The following PDGFC variants were observed in gnomAD, a reference collection of about 807,000 sequenced individuals.
PDGFC encodes the protein platelet derived growth factor C.
In PDGFC, 12 loss-of-function variants were observed where a neutral mutation model predicts 35.5. The observed-to-expected ratio is 0.34, with a 90% CI of 0.22 to 0.55. The LOEUF (loss-of-function observed/expected upper bound fraction) is 0.55. Ranked by LOEUF, PDGFC falls within the 20% of genes least tolerant of loss-of-function variation. PDGFC has a pLI of 0.91. For synonymous variants in PDGFC, 159 were observed against 148.8 expected (o/e 1.07, Z -0.50); for missense variants, 322 against 412.4 (o/e 0.78, Z 1.90).
chr4:156,936,597 C>T (rs926157463), intron 1 of PDGFC, among the ~76,000 whole-genome samples: 2 of 152,064 alleles, frequency 1.3e-5, no homozygotes, highest in African/African-American at 4.8e-5. Context: ...AGAGAAGAAT[C>T]AGGAAAAGGC....
At chr4:156,949,936 A>G (rs983242755) in intron 1 of PDGFC, among the ~76,000 whole-genome samples, 2 of 151,944 alleles carry the variant, frequency 1.3e-5, no homozygotes, top group African/African-American at 4.8e-5. Flanking sequence ...TAAGCATAAC[A>G]GGAAATAAAA....
intron 3 of PDGFC, among the ~76,000 whole-genome samples, chr4:156,778,647 A>T (rs1448877271): frequency 6.6e-6 from 1 of 152,168 alleles, no homozygotes; most frequent in Admixed American, 6.5e-5. Context: ...ACTACTTATA[A>T]TTTCACAATC....
rs3042796 is a variant in PDGFC at position 156,815,323 on chromosome 4, TACACACACACACACAC to T, written c.315-4322_315-4307del. The stretch of plus-strand genomic sequence containing the variant: ...TAAAGTTATTAATGAAATAATTTTT[TACACACACACACACAC>T]ACACACACACACACACACACACACA... On this transcript the variant is annotated intron_variant, in intron 2 of 5. Coordinates refer to ENST00000502773, the MANE Select transcript of PDGFC (RefSeq NM_016205.3). Among the ~76,000 whole-genome samples, 448 of 145,098 alleles carry T rather than the reference TACACACACACACACAC, an allele frequency of 3.1e-3. 3 individuals carry two copies. The highest frequency in any genetic ancestry group is 9.9e-3 in the African/African-American group (391 of 39,588).
rs1397671309 is a variant in PDGFC at position 156,971,230 on chromosome 4, G to A, written c.-327C>T. 1.4e-5 allele frequency: 6 copies of A among 427,984 alleles called. No homozygotes were observed. The highest frequency in any genetic ancestry group is 1.2e-4 in the Admixed American group (3 of 25,424). The allele number at this position is 427,984 out of a possible 1,614,324, so 26.5% of individuals were successfully genotyped here. A position where few individuals can be genotyped will look rare whatever the true frequency, so the allele number is the denominator to read the frequency against. On this transcript the variant is annotated 5_prime_UTR_variant, in exon 1 of 6. Transcript: ENST00000502773. The stretch of plus-strand genomic sequence containing the variant: ...AGGAATGAGGGGGTGGGGACGCGGG[G>A]GAGCGGCGAGAAGTCCCCAGCAAGT...
chr4:156,772,968 T>C (rs981346766), intron 3 of PDGFC, 75 bp from the exon 4 acceptor site: 1 of 960,992 alleles, frequency 1.0e-6, no homozygotes, highest in South Asian at 1.4e-5. Context: ...TGCAAGAAAT[T>C]ATAAAGACTG....
chr4:156,796,030 G>A (rs1195982410), intron 3 of PDGFC, among the ~76,000 whole-genome samples: 1 of 152,162 alleles, frequency 6.6e-6, no homozygotes, highest in Non-Finnish European at 1.5e-5. Context: ...CAAGAGGAGT[G>A]ATTTGTGGTA....
intron 1 of PDGFC, among the ~76,000 whole-genome samples, chr4:156,946,438 TGCTATAGTGAGG>T (rs1211194389): frequency 6.6e-6 from 1 of 152,084 alleles, no homozygotes; most frequent in African/African-American, 2.4e-5. Flanking sequence ...TAAACAAGCA[TGCTATAGTGAGG>T]TTTCCACCTT....
intron 1 of PDGFC, among the ~76,000 whole-genome samples, chr4:156,937,122 AT>A (rs1440672400): frequency 6.6e-6 from 1 of 152,190 alleles, no homozygotes; most frequent in African/African-American, 2.4e-5. Context: ...GAAAAAAGAG[AT>A]TTGAAATTAT....
chr4:156,968,728 GT>G (rs1732522404), intron 1 of PDGFC, among the ~76,000 whole-genome samples: 1 of 152,100 alleles, frequency 6.6e-6, no homozygotes, highest in Non-Finnish European at 1.5e-5. Context: ...ACTACAAGTA[GT>G]TCCTCTACTT....
At chr4:156,948,628 A>G (rs553248531) in intron 1 of PDGFC, among the ~76,000 whole-genome samples, 10 of 152,132 alleles carry the variant, frequency 6.6e-5, no homozygotes, top group Middle Eastern at 3.4e-3. Context: ...TAGTAGTAAT[A>G]TAAGCTTACT....
chr4:156,940,604 A>G (rs144285054), intron 1 of PDGFC, among the ~76,000 whole-genome samples: 15 of 152,228 alleles, frequency 9.9e-5, no homozygotes, highest in African/African-American at 3.6e-4. Context: ...TCGATACCCA[A>G]TGTCTAAGGT....
At chr4:156,826,510 G>A (rs1728760008) in intron 2 of PDGFC, among the ~76,000 whole-genome samples, 1 of 151,884 alleles carries the variant, frequency 6.6e-6, no homozygotes. Context: ...GTAATTTTTG[G>A]TGACTGTAAA....
In PDGFC at chr4:156,826,521, G is replaced by A. The variant is rs553354050; in HGVS notation, c.315-15504C>T. Among the ~76,000 whole-genome samples the A allele has an allele frequency of 1.2e-3, 186 of 151,994 alleles. 8 individuals are homozygous for A. In the South Asian group the frequency reaches 0.038, roughly 31 times the overall value. On this transcript the variant is annotated intron_variant, in intron 2 of 5. Transcript: ENST00000502773. ...CATTGTAATTTTTGGTGACTGTAAAGGAAATTATTTTCTGTTTAAGGTGAA... is the reference window on the plus strand; with the variant it reads ...CATTGTAATTTTTGGTGACTGTAAAAGAAATTATTTTCTGTTTAAGGTGAA...
intron 3 of PDGFC, among the ~76,000 whole-genome samples, chr4:156,789,111 T>C (rs77660004): frequency 0.019 from 2,905 of 152,336 alleles, 37 homozygotes; most frequent in Middle Eastern, 0.034. Context: ...TTTTGTTTTA[T>C]TGAATCCACT....
chr4:156,837,046 G>C (rs946694592), intron 2 of PDGFC, among the ~76,000 whole-genome samples: 7 of 152,064 alleles, frequency 4.6e-5, no homozygotes, highest in African/African-American at 1.7e-4. Context: ...AACAAGGTCA[G>C]GTGAATTTCA....
chr4:156,911,000 T>C (rs1731025775), intron 1 of PDGFC, among the ~76,000 whole-genome samples: 5 of 152,188 alleles, frequency 3.3e-5, no homozygotes. Context: ...AGCTCGTCCT[T>C]TCATCCTCTT....
intron 1 of PDGFC, among the ~76,000 whole-genome samples, chr4:156,954,823 T>G (rs980871620): frequency 2.0e-5 from 3 of 151,946 alleles, no homozygotes; most frequent in African/African-American, 7.2e-5. Flanking sequence ...TATGACTCGT[T>G]TAGAACCCAT....
At chr4:156,826,192 T>A (rs1732472150) in intron 2 of PDGFC, among the ~76,000 whole-genome samples, 2 of 118,446 alleles carry the variant, frequency 1.7e-5, no homozygotes, top group African/African-American at 6.8e-5. Flanking sequence ...TTTTTTTTTT[T>A]TTTTTTTTTT....
At chr4:156,843,388 C>T (rs1299818059) in intron 2 of PDGFC, among the ~76,000 whole-genome samples, 1 of 152,146 alleles carries the variant, frequency 6.6e-6, no homozygotes, top group Non-Finnish European at 1.5e-5. Context: ...TACAGCAGTC[C>T]AAACAGGATG....
Sources: gnomAD v4.1 joint callset for allele counts (sites outside exome capture counted in the v4.1 genomes callset) on GRCh38, gnomAD v4.1.1 for gene constraint, MANE v1.5 for transcripts, NCBI Gene and HGNC (gene_info 2026-07-23, HGNC 2026-07-21) for gene names.